The following PTPRT variants were observed in gnomAD, a reference collection of about 807,000 sequenced individuals.
PTPRT encodes the protein protein tyrosine phosphatase receptor type T.
In PTPRT, 56 loss-of-function variants were observed where a neutral mutation model predicts 176.8. That is an observed-to-expected ratio of 0.32 (90% CI 0.26 to 0.40). PTPRT has a LOEUF of 0.40. Ranked by LOEUF, PTPRT falls within the 10% of genes least tolerant of loss-of-function variation. The pLI is 1.00. For synonymous variants in PTPRT, 783 were observed against 739.0 expected (o/e 1.06, Z -0.96); for missense variants, 1,540 against 1,908.2 (o/e 0.81, Z 3.60).
At chr20:42,272,721 G>GCACACACACA (rs58728446) in intron 13 of PTPRT, among the ~76,000 whole-genome samples, 3 of 149,206 alleles carry the variant, frequency 2.0e-5, no homozygotes, top group African/African-American at 7.4e-5. Context: ...ACACGTGCGC[G>GCACACACACA]CACACACACA....
At chr20:43,127,900 T>C (rs1600731510) in intron 1 of PTPRT, among the ~76,000 whole-genome samples, 1 of 152,240 alleles carries the variant, frequency 6.6e-6, no homozygotes, top group Non-Finnish European at 1.5e-5. Context: ...TTGGTTTTGA[T>C]GCATGGCATT....
At chr20:42,402,436 A>T (rs2058917777) in intron 9 of PTPRT, among the ~76,000 whole-genome samples, 1 of 147,814 alleles carries the variant, frequency 6.8e-6, no homozygotes, top group African/African-American at 2.5e-5. Context: ...AATTTATATG[A>T]TCATTCTCAG....
At chr20:42,085,288 T>C (rs767442607) in intron 28 of PTPRT, among the ~76,000 whole-genome samples, 19 of 152,224 alleles carry the variant, frequency 1.2e-4, no homozygotes, top group Admixed American at 2.6e-4. Flanking sequence ...AACCATTTCA[T>C]AGATTGCTAA....
At chr20:43,146,311 A>C (rs1233110431) in intron 1 of PTPRT, among the ~76,000 whole-genome samples, 1 of 152,230 alleles carries the variant, frequency 6.6e-6, no homozygotes, top group African/African-American at 2.4e-5. Context: ...AAAGACATAC[A>C]AACTGAAATT....
At chr20:42,591,406 G>T (rs1168098455) in intron 7 of PTPRT, among the ~76,000 whole-genome samples, 3 of 152,108 alleles carry the variant, frequency 2.0e-5, no homozygotes, top group South Asian at 4.1e-4. Flanking sequence ...CTTACAGAGG[G>T]CCTGAAACAG....
At chr20:42,316,417 T>C (rs896615965) in intron 11 of PTPRT, among the ~76,000 whole-genome samples, 9 of 152,204 alleles carry the variant, frequency 5.9e-5, no homozygotes, top group African/African-American at 2.2e-4. Context: ...GGTTTGCATC[T>C]GCCCCACCTC....
In PTPRT at chr20:42,461,345, TA is replaced by T. The variant is rs967856653; in HGVS notation, c.1450+10920del. On this transcript the variant is annotated intron_variant, in intron 8 of 30. Transcript: ENST00000373187. ...TCCGTCTCAAAAATAAATAAATAAA[TA>T]AAATAAAATAAATAAAACAAATAAA... Among the ~76,000 whole-genome samples the T allele has an allele frequency of 3.3e-5, 5 of 151,830 alleles. No individual in the cohort carries two copies. In the East Asian group the frequency reaches 9.7e-4, roughly 29 times the overall value.
At chr20:43,003,173 C>T (rs1984674053) in intron 1 of PTPRT, among the ~76,000 whole-genome samples, 1 of 151,900 alleles carries the variant, frequency 6.6e-6, no homozygotes. Flanking sequence ...ATTCTTGTGT[C>T]TTTATTTGCT....
At chr20:42,097,379 T>TGTTCCCTCTGCC (rs1456453457) in intron 27 of PTPRT, among the ~76,000 whole-genome samples, 2 of 152,244 alleles carry the variant, frequency 1.3e-5, no homozygotes, top group African/African-American at 4.8e-5. Flanking sequence ...TTGCCTCTGC[T>TGTTCCCTCTGCC]GTTCCCTCTG....
chr20:42,423,490 C>T (rs992217882), intron 9 of PTPRT, among the ~76,000 whole-genome samples: 1 of 152,168 alleles, frequency 6.6e-6, no homozygotes, highest in Admixed American at 6.5e-5. Flanking sequence ...CCAGGCCCCT[C>T]ACTGGTCTCA....
intron 9 of PTPRT, among the ~76,000 whole-genome samples, chr20:42,355,044 C>G (rs374339736): frequency 6.6e-6 from 1 of 152,238 alleles, no homozygotes; most frequent in East Asian, 1.9e-4. Context: ...CCTACCCACC[C>G]CACTCCTTCT....
intron 7 of PTPRT, among the ~76,000 whole-genome samples, chr20:42,633,530 T>C (rs887265195): frequency 6.6e-6 from 1 of 151,684 alleles, no homozygotes; most frequent in African/African-American, 2.4e-5. Flanking sequence ...GAGCTATGGC[T>C]CACACCTGTA....
At chr20:42,625,500 G>C (rs578002063) in intron 7 of PTPRT, among the ~76,000 whole-genome samples, 76 of 151,160 alleles carry the variant, frequency 5.0e-4, no homozygotes, top group Non-Finnish European at 9.3e-4. Flanking sequence ...TCCTCCATCT[G>C]AGTGGCTGTT....
rs1983017515 is a variant in PTPRT, at chr20:42,078,695, T to C, written c.*2184A>G. The C allele has an allele frequency of 5.6e-6, 1 of 179,138 alleles. No homozygotes were observed. The highest frequency in any genetic ancestry group is 9.3e-5 in the East Asian group (1 of 10,732). 11.1% of individuals were successfully genotyped at this position (179,138 alleles called of 1,614,324 possible). On this transcript the variant is annotated 3_prime_UTR_variant, in exon 31 of 31. Coordinates refer to ENST00000373187, the MANE Select transcript of PTPRT (RefSeq NM_007050.6). ...CTGGCTCATCTCTTGCTGCTCCCCGTGTTGTGCTGTGCCCGCACTGGGCTG... is the reference window on the plus strand; with the variant it reads ...CTGGCTCATCTCTTGCTGCTCCCCGCGTTGTGCTGTGCCCGCACTGGGCTG...
At chr20:42,920,096 T>C (rs1218652015) in intron 1 of PTPRT, among the ~76,000 whole-genome samples, 1 of 152,208 alleles carries the variant, frequency 6.6e-6, no homozygotes, top group Non-Finnish European at 1.5e-5. Flanking sequence ...AGAAGCTCTT[T>C]GGCTGTCCCT....
At position 42,527,691 on chromosome 20, in the gene PTPRT, A is replaced by C. The variant is rs145105044; in HGVS notation, c.1154-55129T>G. 4.6e-3 allele frequency among the ~76,000 whole-genome samples: 698 copies of C among 152,264 alleles called. 4 individuals carry two copies. The highest frequency in any genetic ancestry group is 0.016 in the African/African-American group (666 of 41,552). Reference sequence around the variant, plus strand: ...AACCTTTGATATGGAAAAATGTTGGAGGCTTTTCACAAGCCTAAGTAGATT... The same window carrying C: ...AACCTTTGATATGGAAAAATGTTGGCGGCTTTTCACAAGCCTAAGTAGATT... On this transcript the variant is annotated intron_variant, in intron 7 of 30. Transcript: ENST00000373187.
intron 9 of PTPRT, among the ~76,000 whole-genome samples, chr20:42,431,472 T>A (rs2059215345): frequency 6.6e-6 from 1 of 152,236 alleles, no homozygotes; most frequent in African/African-American, 2.4e-5. Context: ...AAAGGCATCA[T>A]GATTGTGATT....
intron 1 of PTPRT, among the ~76,000 whole-genome samples, chr20:43,010,090 T>TC (rs1985042307): frequency 6.6e-6 from 1 of 152,118 alleles, no homozygotes. Context: ...GCCTGCTGTG[T>TC]CTTCCTTCAG....
chr20:42,476,372 A>G (rs2145309819), intron 7 of PTPRT, among the ~76,000 whole-genome samples: 1 of 152,284 alleles, frequency 6.6e-6, no homozygotes, highest in Non-Finnish European at 1.5e-5. Context: ...ATCACTCCCC[A>G]GGTGATTTTT....
Sources: allele counts gnomAD v4.1 joint callset (sites outside exome capture counted in the v4.1 genomes callset), GRCh38; gene constraint gnomAD v4.1.1; transcripts MANE v1.5; gene names NCBI Gene and HGNC (gene_info 2026-07-23, HGNC 2026-07-21).